Variants in USP32 observed in about 807,000 individuals in gnomAD.
USP32 encodes ubiquitin carboxyl-terminal hydrolase 32.
A neutral mutation model predicts 204.8 loss-of-function variants in USP32; 59 were observed. The observed-to-expected ratio is 0.29, with a 90% confidence interval of 0.23 to 0.36. The LOEUF is 0.36. Ranked by LOEUF, USP32 falls within the 10% of genes least tolerant of loss-of-function variation. USP32 has a pLI of 1.00. For synonymous variants in USP32, 517 were observed against 678.4 expected (o/e 0.76, Z 3.70); for missense variants, 1,160 against 1,946.4 (o/e 0.60, Z 7.60).
chr17:60,238,443 G>C (rs891403866), intron 11 of USP32, among the ~76,000 whole-genome samples: 4 of 151,956 alleles, frequency 2.6e-5, no homozygotes, highest in Admixed American at 2.0e-4. Context: ...TGAGGCAGGC[G>C]AATCGCTTGA....
At chr17:60,349,461 T>C (rs2088866793) in intron 1 of USP32, among the ~76,000 whole-genome samples, 1 of 147,434 alleles carries the variant, frequency 6.8e-6, no homozygotes, top group Admixed American at 6.8e-5. Context: ...GTGCCTGTAA[T>C]CCCAGTTACT....
At chr17:60,393,663 A>G (rs898082770), upstream of USP32, among the ~76,000 whole-genome samples, 2 of 152,094 alleles carry the variant, frequency 1.3e-5, no homozygotes, top group African/African-American at 2.4e-5. Flanking sequence ...CTGCTAGAGA[A>G]AGAAGGTAAT....
chr17:60,379,982 T>C (rs2089619100), intron 1 of USP32, among the ~76,000 whole-genome samples: 1 of 152,106 alleles, frequency 6.6e-6, no homozygotes, highest in Non-Finnish European at 1.5e-5. Flanking sequence ...TTAATACACA[T>C]AAAACATGTG....
chr17:60,257,330 G>A (rs900496492), intron 9 of USP32, among the ~76,000 whole-genome samples: 1 of 152,180 alleles, frequency 6.6e-6, no homozygotes, highest in African/African-American at 2.4e-5. Flanking sequence ...TGGATCACAT[G>A]TGCCAATTGG....
chr17:60,204,471 T>TTC (rs1348818587), intron 26 of USP32, among the ~76,000 whole-genome samples: 2 of 150,686 alleles, frequency 1.3e-5, no homozygotes, highest in Non-Finnish European at 3.0e-5. Flanking sequence ...AGATACTTTT[T>TTC]TTTTTTTTTT....
rs533032264 is a variant in USP32 at position 60,391,893 on chromosome 17, G to A, written c.47C>T (p.Ala16Val). The change falls in exon 1 of 34, where the codon GCG (alanine) becomes GTG (valine). Residue 16 changes from alanine (A) to valine (V), a missense_variant. Around this residue, in one of 8 missense-constraint regions of USP32, gnomAD observed 536 missense variants for 680.9 expected, o/e 0.79. Coordinates refer to ENST00000300896, the MANE Select transcript of USP32 (RefSeq NM_032582.4). Reference protein sequence around the residue: ...SRIGFLSYEEALRRVTDVELK... With the variant: ...SRIGFLSYEEVLRRVTDVELK... ...CCCTCCCCCCTCACCTCTCCTCAGCGCCTCCTCGTAGCTGAGGAATCCGAT... is the reference window on the plus strand; with the variant it reads ...CCCTCCCCCCTCACCTCTCCTCAGCACCTCCTCGTAGCTGAGGAATCCGAT... The A allele has an allele frequency of 6.2e-7, 1 of 1,606,016 alleles. No individual in the cohort carries two copies. Among genetic ancestry groups the A allele is most frequent in the African/African-American group, 1.4e-5 (1 of 73,708 alleles).
At chr17:60,259,850 C>CATTT (rs2086410176) in intron 9 of USP32, among the ~76,000 whole-genome samples, 1 of 152,144 alleles carries the variant, frequency 6.6e-6, no homozygotes, top group South Asian at 2.1e-4. Flanking sequence ...TTATAGTTCA[C>CATTT]ATTTATTTCA....
intron 1 of USP32, among the ~76,000 whole-genome samples, chr17:60,356,238 A>C (rs2089073932): frequency 6.6e-6 from 1 of 152,178 alleles, no homozygotes; most frequent in Admixed American, 6.6e-5. Context: ...AAGCAGTGGC[A>C]GATGGGGCTA....
In USP32 at chr17:60,252,451, A is replaced by T. The variant is rs755552276; in HGVS notation, c.1075-9T>A. On this transcript the variant is annotated splice_polypyrimidine_tract_variant and intron_variant, in intron 10 of 33. Coordinates refer to ENST00000300896, the MANE Select transcript of USP32 (RefSeq NM_032582.4). ...AGAACTATGTGACACACCTAGGGAA[A>T]AAAATGGTAAATCAAAGTTTATTAA... 115 of 1,602,952 alleles carry T rather than the reference A, an allele frequency of 7.2e-5. No individual in the cohort carries two copies. The highest frequency in any genetic ancestry group is 9.6e-5 in the Non-Finnish European group (113 of 1,174,778).
chr17:60,410,635 G>T (rs1358403320), intron 1 of USP32, among the ~76,000 whole-genome samples: 1 of 152,032 alleles, frequency 6.6e-6, no homozygotes, highest in South Asian at 2.1e-4. Flanking sequence ...ACCACTGCAC[G>T]CCAGCCTGGG....
chr17:60,379,924 A>C (rs113747602), intron 1 of USP32, among the ~76,000 whole-genome samples: 146 of 152,328 alleles, frequency 9.6e-4, no homozygotes, highest in African/African-American at 3.1e-3. Context: ...ATGTGGTTTT[A>C]AAAAAAGGTT....
intron 2 of USP32, among the ~76,000 whole-genome samples, chr17:60,335,719 T>C (rs2088500319): frequency 7.0e-6 from 1 of 143,278 alleles, no homozygotes; most frequent in Admixed American, 6.8e-5. Flanking sequence ...AAAAACCCTG[T>C]CTATAGCCCT....
intron 26 of USP32, among the ~76,000 whole-genome samples, chr17:60,201,666 T>C (rs1045100664): frequency 3.3e-5 from 5 of 151,520 alleles, no homozygotes; most frequent in Admixed American, 1.3e-4. Flanking sequence ...GATCATTTTT[T>C]TTTTTTTTTT....
intron 11 of USP32, among the ~76,000 whole-genome samples, chr17:60,248,444 CT>C (rs2086090300): frequency 6.6e-6 from 1 of 152,152 alleles, no homozygotes; most frequent in African/African-American, 2.4e-5. Context: ...TCTTGTCAAA[CT>C]TTTTTCTGCT....
chr17:60,185,564 T>C lies in USP32; in HGVS notation c.3730A>G (p.Ser1244Gly). 6.2e-7 allele frequency: 1 copy of C among 1,612,012 alleles called. No homozygotes were observed. Among genetic ancestry groups the C allele is most frequent in the Non-Finnish European group, 8.5e-7 (1 of 1,179,854 alleles). Residue 1244 changes from serine to glycine, a missense_variant, in exon 30 of 34, where the codon AGT becomes GGT. This residue lies in a region of USP32 where 160 missense variants were observed against 322.5 expected (regional missense o/e 0.50). Coordinates refer to ENST00000300896, the MANE Select transcript of USP32 (RefSeq NM_032582.4). ...NLDSCLRAFT[S>G]EEELGENEMY... The stretch of plus-strand genomic sequence containing the variant: ...TCATTTTCCCCTAGCTCTTCCTCAC[T>C]GGTGAAAGCACGGAGACAGCTGTCC...
chr17:60,294,867 G>A, intron 3 of USP32, 66 bp from the exon 4 acceptor site: 2 of 1,022,270 alleles, frequency 2.0e-6, no homozygotes, highest in Non-Finnish European at 1.5e-6. Flanking sequence ...GTGGAAGTAG[G>A]GAGAAAAGAC....
intron 7 of USP32, among the ~76,000 whole-genome samples, chr17:60,268,737 TAATAG>T (rs1329785472): frequency 6.6e-6 from 1 of 152,204 alleles, no homozygotes; most frequent in Non-Finnish European, 1.5e-5. Context: ...TATACCTTCA[TAATAG>T]AATTATGGCT....
chr17:60,393,435 G>A (rs116975229), upstream of USP32, among the ~76,000 whole-genome samples: 47 of 152,190 alleles, frequency 3.1e-4, no homozygotes, highest in African/African-American at 8.2e-4. Flanking sequence ...AACCAAATGG[G>A]GTGTATATGT....
chr17:60,231,012 A>G (rs937905605), intron 12 of USP32, among the ~76,000 whole-genome samples: 2 of 152,206 alleles, frequency 1.3e-5, no homozygotes, highest in Admixed American at 1.3e-4. Context: ...CCTGGTTTTC[A>G]GAAGATAGAT....
Sources: allele counts gnomAD v4.1 joint callset (sites outside exome capture counted in the v4.1 genomes callset), GRCh38; gene constraint gnomAD v4.1.1; regional missense constraint gnomAD v4.1.1; transcripts MANE v1.5; gene names NCBI Gene and HGNC (gene_info 2026-07-23, HGNC 2026-07-21).